The following RNF121 variants were observed in gnomAD, a reference collection of about 807,000 sequenced individuals.
The protein encoded by RNF121 is E3 ubiquitin ligase RNF121.
Under a neutral mutation model 46.5 loss-of-function variants are expected in RNF121, and 21 were observed. The observed-to-expected ratio is 0.45, with a 90% CI of 0.32 to 0.65. The LOEUF is 0.65. RNF121 is among the 30% of genes least tolerant of loss of function. RNF121 has a pLI of 0.04. For missense variants in RNF121, 346 were observed against 416.0 expected (o/e 0.83, Z 1.46); for synonymous variants, 139 against 144.7 (o/e 0.96, Z 0.28).
intron 1 of RNF121, among the ~76,000 whole-genome samples, chr11:71,952,360 T>C (rs1953901064): frequency 6.6e-6 from 1 of 152,346 alleles, no homozygotes; most frequent in East Asian, 1.9e-4. Context: ...TGATTTTATT[T>C]TGAGGTGACA....
intron 3 of RNF121, among the ~76,000 whole-genome samples, chr11:71,967,297 A>G (rs1252196971): frequency 6.8e-6 from 1 of 147,696 alleles, no homozygotes; most frequent in Non-Finnish European, 1.5e-5. Context: ...ACTTTTAAAT[A>G]TTATATATTG....
At chr11:71,967,016 C>T (rs1284454792) in intron 3 of RNF121, among the ~76,000 whole-genome samples, 67 of 147,650 alleles carry the variant, frequency 4.5e-4, no homozygotes, top group Non-Finnish European at 8.5e-4. Flanking sequence ...GGACTACAGG[C>T]ACCCGCCACC....
chr11:71,995,507 C>A lies in RNF121; in HGVS notation c.819C>A (p.Pro273=). ...TCGTGGGAAAGAAGCAAACGTGTCC[C>A]TACTGCAAAGAGAAGGTAGACCTCA... ...WCIVGKKQTC[P]YCKEKVDLKR... Residue 273 remains proline, a synonymous_variant, in exon 8 of 9, where the codon CCC becomes CCA. Transcript: ENST00000361756. 1 of 1,596,354 alleles carries A rather than the reference C, an allele frequency of 6.3e-7. No homozygotes were observed. The highest frequency in any genetic ancestry group is 8.5e-7 in the Non-Finnish European group (1 of 1,170,030).
At chr11:71,960,203 C>G (rs1954097616) in intron 2 of RNF121, among the ~76,000 whole-genome samples, 2 of 152,134 alleles carry the variant, frequency 1.3e-5, no homozygotes, top group Non-Finnish European at 2.9e-5. Flanking sequence ...TTGAAGCAGT[C>G]CAGACTTTTT....
chr11:71,939,824 G>A (rs1302963831), intron 1 of RNF121, among the ~76,000 whole-genome samples: 1 of 152,144 alleles, frequency 6.6e-6, no homozygotes, highest in Admixed American at 6.6e-5. Context: ...ACTCTTTTTA[G>A]TCTTGGGAAT....
chr11:71,964,465 T>A (rs1049484438), intron 3 of RNF121, among the ~76,000 whole-genome samples: 2 of 151,780 alleles, frequency 1.3e-5, no homozygotes, highest in African/African-American at 4.8e-5. Flanking sequence ...TCTTTTCCAA[T>A]TGGATACCTT....
intron 3 of RNF121, among the ~76,000 whole-genome samples, chr11:71,980,371 G>A (rs1252631182): frequency 6.7e-6 from 1 of 150,034 alleles, no homozygotes; most frequent in Non-Finnish European, 1.5e-5. Flanking sequence ...TTAAGATGGA[G>A]TCTAACACTC....
chr11:71,941,576 T>C (rs901532262), intron 1 of RNF121, among the ~76,000 whole-genome samples: 2 of 152,170 alleles, frequency 1.3e-5, no homozygotes, highest in Non-Finnish European at 2.9e-5. Flanking sequence ...TGACAAATGC[T>C]TTGAGAAAAG....
intron 4 of RNF121, among the ~76,000 whole-genome samples, chr11:71,985,221 C>T (rs1247173319): frequency 1.3e-5 from 2 of 152,128 alleles, no homozygotes; most frequent in Non-Finnish European, 1.5e-5. Flanking sequence ...GCCATTGTGC[C>T]TGCCCTCAAA....
intron 3 of RNF121, chr11:71,978,202 A>AGAAATTTTAAAC (rs1167122745): frequency 4.4e-6 from 2 of 452,144 alleles, no homozygotes; most frequent in Admixed American, 4.8e-5. Context: ...TGCCCGGCCT[A>AGAAATTTTAAAC]CAGTAGAAAT....
intron 3 of RNF121, among the ~76,000 whole-genome samples, chr11:71,962,763 A>T (rs942044625): frequency 3.3e-5 from 5 of 152,226 alleles, no homozygotes; most frequent in African/African-American, 1.2e-4. Flanking sequence ...TAATGTTTTG[A>T]GGAACTGAGA....
In RNF121 at chr11:71,982,842, A is replaced by T; in HGVS notation, c.325A>T (p.Ile109Phe). ...LHWWRFLVIWILFSAVTAFVT... is the reference protein window; with the variant it reads ...LHWWRFLVIWFLFSAVTAFVT... ...CTGGTGGAGGTTCCTAGTGATCTGG[A>T]TCTTGTTCTCTGCTGTCACAGCCTT... The change falls in exon 4 of 9, where the codon ATC becomes TTC. Residue 109 changes from isoleucine to phenylalanine, a missense_variant. Physicochemically the swap from Ile to Phe is conservative, Grantham distance 21. Transcript: ENST00000361756. The T allele has an allele frequency of 1.9e-6, 3 of 1,613,988 alleles. No individual in the cohort carries two copies. Among genetic ancestry groups the T allele is most frequent in the Non-Finnish European group, 2.5e-6 (3 of 1,179,964 alleles).
chr11:71,974,496 A>G (rs1342568783), intron 3 of RNF121, among the ~76,000 whole-genome samples: 1 of 152,140 alleles, frequency 6.6e-6, no homozygotes, highest in African/African-American at 2.4e-5. Flanking sequence ...GTAGGTATTT[A>G]TCTTCAGTTT....
intron 5 of RNF121, among the ~76,000 whole-genome samples, chr11:71,988,506 A>C (rs1008975109): frequency 1.2e-4 from 18 of 152,066 alleles, no homozygotes; most frequent in Non-Finnish European, 1.8e-4. Flanking sequence ...TTTTAGGACA[A>C]GTAAAAATAA....
At chr11:71,972,046 G>T (rs778387332) in intron 3 of RNF121, among the ~76,000 whole-genome samples, 14 of 152,194 alleles carry the variant, frequency 9.2e-5, no homozygotes, top group Non-Finnish European at 1.9e-4. Flanking sequence ...TTGTTTTACA[G>T]TTAAAAGCAA....
intron 3 of RNF121, among the ~76,000 whole-genome samples, chr11:71,975,570 A>G (rs995956128): frequency 6.6e-6 from 1 of 152,168 alleles, no homozygotes; most frequent in Non-Finnish European, 1.5e-5. Context: ...CCCTTACTCC[A>G]TTAAAGCACT....
At position 71,997,428 on chromosome 11, in the gene RNF121, C is replaced by T. The variant is rs1397911450; in HGVS notation, c.*1113C>T. 1.3e-5 allele frequency: 2 copies of T among 152,184 alleles called. No homozygotes were observed. The highest frequency in any genetic ancestry group is 2.9e-5 in the Non-Finnish European group (2 of 68,044). 9.4% of individuals were successfully genotyped at this position (152,184 alleles called of 1,614,324 possible). On this transcript the variant is annotated 3_prime_UTR_variant, in exon 9 of 9. Transcript: ENST00000361756. ...GGGGGCTTCTAGGAAGGCCCCAGCCCTAGTCCTAGGCGACTTGAATAAAGT... is the reference window on the plus strand; with the variant it reads ...GGGGGCTTCTAGGAAGGCCCCAGCCTTAGTCCTAGGCGACTTGAATAAAGT...
intron 1 of RNF121, among the ~76,000 whole-genome samples, chr11:71,955,034 A>G (rs1228347001): frequency 6.6e-6 from 1 of 152,178 alleles, no homozygotes; most frequent in Non-Finnish European, 1.5e-5. Context: ...CTCTGAGGGA[A>G]CTAATATGTT....
intron 3 of RNF121, among the ~76,000 whole-genome samples, chr11:71,961,971 T>TG (rs1386291276): frequency 1.3e-5 from 2 of 150,690 alleles, no homozygotes; most frequent in African/African-American, 4.9e-5. Flanking sequence ...CAAAGATTTT[T>TG]TTTTTTTTTT....
Sources: gnomAD v4.1 joint callset for allele counts (sites outside exome capture counted in the v4.1 genomes callset) on GRCh38, gnomAD v4.1.1 for gene constraint, MANE v1.5 for transcripts, NCBI Gene and HGNC (gene_info 2026-07-23, HGNC 2026-07-21) for gene names.